STOX2: variants seen among roughly 807,000 people sequenced by gnomAD.
The protein encoded by STOX2 is storkhead-box protein 2.
STOX2 carries 28 observed loss-of-function variants against 60.9 expected under a neutral mutation model. That is an observed-to-expected ratio of 0.46 (90% CI 0.34 to 0.63). The LOEUF (loss-of-function observed/expected upper bound fraction) is 0.63, where lower values mean the gene tolerates loss of function less well. STOX2 is among the 30% of genes least tolerant of loss of function. STOX2 has a pLI of 0.01. For missense variants in STOX2, 1,024 were observed against 1,187.7 expected, an observed-to-expected ratio of 0.86 and a Z score of 2.03; for synonymous variants, 472 against 463.9, an observed-to-expected ratio of 1.02 and a Z score of -0.22.
At chr4:183,845,969 A>G (rs1290753794) in intron 1 of STOX2, among the ~76,000 whole-genome samples, 3 of 152,100 alleles carry the variant, frequency 2.0e-5, no homozygotes, top group African/African-American at 7.2e-5. Context: ...TTTCAACCTG[A>G]AGGATTTTTT....
intron 1 of STOX2, among the ~76,000 whole-genome samples, chr4:183,908,932 C>G (rs1741701382): frequency 6.6e-6 from 1 of 152,138 alleles, no homozygotes; most frequent in Non-Finnish European, 1.5e-5. Flanking sequence ...GAGCGAAGTG[C>G]CTTGCTGGAT....
chr4:183,989,002 C>G (rs967279106), intron 1 of STOX2, among the ~76,000 whole-genome samples: 3 of 152,176 alleles, frequency 2.0e-5, no homozygotes, highest in Non-Finnish European at 4.4e-5. Context: ...CACGACCTCA[C>G]CAGCCCAGGT....
At chr4:183,985,887 C>G (rs546244131) in intron 1 of STOX2, among the ~76,000 whole-genome samples, 1 of 152,312 alleles carries the variant, frequency 6.6e-6, no homozygotes, top group African/African-American at 2.4e-5. Context: ...TCTGACCTTA[C>G]AGTGATCAGA....
chr4:183,977,039 A>AT (rs1405266669), intron 1 of STOX2, among the ~76,000 whole-genome samples: 1 of 152,144 alleles, frequency 6.6e-6, no homozygotes, highest in Non-Finnish European at 1.5e-5. Context: ...CTTAAAATTT[A>AT]TTTTTATTTT....
chr4:183,986,624 C>T (rs913289245), intron 1 of STOX2, among the ~76,000 whole-genome samples: 2 of 152,272 alleles, frequency 1.3e-5, no homozygotes, highest in African/African-American at 2.4e-5. Flanking sequence ...AAGAGCTGAT[C>T]TGGGCACAGG....
At chr4:183,947,508 G>A (rs1464565689) in intron 1 of STOX2, among the ~76,000 whole-genome samples, 1 of 152,140 alleles carries the variant, frequency 6.6e-6, no homozygotes, top group African/African-American at 2.4e-5. Flanking sequence ...TTTTCCACTA[G>A]CTATATACAT....
At chr4:183,995,827 C>G (rs1215532620) in intron 1 of STOX2, among the ~76,000 whole-genome samples, 1 of 152,196 alleles carries the variant, frequency 6.6e-6, no homozygotes, top group Admixed American at 6.5e-5. Context: ...GAGCCTGAAC[C>G]TGCCGCAGCT....
intron 1 of STOX2, among the ~76,000 whole-genome samples, chr4:183,854,069 C>T (rs564841573): frequency 3.9e-5 from 6 of 152,322 alleles, no homozygotes; most frequent in East Asian, 1.9e-4. Context: ...CATACTTCCA[C>T]GATTTCTCTG....
chr4:183,881,200 C>A (rs749353489), intron 1 of STOX2, among the ~76,000 whole-genome samples: 1 of 151,996 alleles, frequency 6.6e-6, no homozygotes, highest in African/African-American at 2.4e-5. Flanking sequence ...TAGTCCCAGT[C>A]GTGGAGAACA....
chr4:183,961,789 G>A (rs1028757205), intron 1 of STOX2, among the ~76,000 whole-genome samples: 1 of 152,228 alleles, frequency 6.6e-6, no homozygotes, highest in African/African-American at 2.4e-5. Context: ...ATACATAAAT[G>A]TGATAGCATA....
chr4:183,982,396 C>T (rs1336787176), intron 1 of STOX2, among the ~76,000 whole-genome samples: 1 of 152,214 alleles, frequency 6.6e-6, no homozygotes, highest in Non-Finnish European at 1.5e-5. Context: ...GAAATGGTTT[C>T]TTCCACCACT....
chr4:183,857,783 C>G (rs1740336873), intron 1 of STOX2, among the ~76,000 whole-genome samples: 1 of 152,066 alleles, frequency 6.6e-6, no homozygotes, highest in South Asian at 2.1e-4. Flanking sequence ...TGGAAAGCTG[C>G]TCTGTCCTTG....
intron 1 of STOX2, among the ~76,000 whole-genome samples, chr4:183,842,631 A>T (rs1465254276): frequency 1.3e-5 from 2 of 152,146 alleles, no homozygotes; most frequent in Non-Finnish European, 2.9e-5. Flanking sequence ...TCTGTGAGAA[A>T]ACTGAAGTCC....
At chr4:183,831,982 T>G (rs905205504) in intron 1 of STOX2, among the ~76,000 whole-genome samples, 2 of 149,446 alleles carry the variant, frequency 1.3e-5, no homozygotes, top group South Asian at 2.1e-4. Context: ...CATTTCTTCT[T>G]CTTCTTCTTT....
intron 1 of STOX2, among the ~76,000 whole-genome samples, chr4:183,907,934 G>C (rs1464436321): frequency 6.6e-6 from 1 of 152,196 alleles, no homozygotes; most frequent in Non-Finnish European, 1.5e-5. Flanking sequence ...GAAGAACCGA[G>C]ATTTTATTTT....
intron 1 of STOX2, among the ~76,000 whole-genome samples, chr4:183,834,338 T>C (rs1043271130): frequency 2.0e-5 from 3 of 152,178 alleles, no homozygotes; most frequent in African/African-American, 4.8e-5. Flanking sequence ...GTTAGGCAGT[T>C]GATCAACCTG....
At chr4:183,961,532 G>A (rs944236004) in intron 1 of STOX2, among the ~76,000 whole-genome samples, 3 of 152,136 alleles carry the variant, frequency 2.0e-5, no homozygotes, top group African/African-American at 7.2e-5. Flanking sequence ...GCTTTGCAGC[G>A]CTTCACCCTT....
chr4:183,833,652 T>C lies in STOX2; in HGVS notation c.364+35597T>C, dbSNP rs555461547. ...TGCAGGAGTTTTTTTTTTTTTTCAT[T>C]CCAAGCATACCAGAGTTTCACCAAA... On this transcript the variant is annotated intron_variant, in intron 1 of 2. Transcript: ENST00000513034. 2.2e-4 allele frequency among the ~76,000 whole-genome samples: 33 copies of C among 151,064 alleles called. No individual in the cohort carries two copies. In the South Asian group the frequency reaches 2.9e-3, roughly 13 times the overall value.
intron 1 of STOX2, among the ~76,000 whole-genome samples, chr4:183,923,323 C>G (rs770055446): frequency 7.2e-5 from 11 of 152,198 alleles, no homozygotes; most frequent in African/African-American, 2.7e-4. Context: ...AGTAGCCATC[C>G]TAATGGATGT....
Sources: gnomAD v4.1 joint callset for allele counts (sites outside exome capture counted in the v4.1 genomes callset) on GRCh38, gnomAD v4.1.1 for gene constraint, MANE v1.5 for transcripts, NCBI Gene and HGNC (gene_info 2026-07-23, HGNC 2026-07-21) for gene names.